Variants in PTPRD observed in about 807,000 individuals in gnomAD.
PTPRD encodes the protein protein tyrosine phosphatase receptor type D, also known as receptor-type tyrosine-protein phosphatase delta.
A neutral mutation model predicts 214.5 loss-of-function variants in PTPRD; 34 were observed. That is an observed-to-expected ratio of 0.16 (90% CI 0.12 to 0.21). The LOEUF is 0.21. Ranked by LOEUF, PTPRD falls within the 10% of genes least tolerant of loss-of-function variation. The pLI is 1.00. For synonymous variants in PTPRD, 1,128 were observed against 845.7 expected, an observed-to-expected ratio of 1.33 and a Z score of -5.79; for missense variants, 2,545 against 2,398.7, an observed-to-expected ratio of 1.06 and a Z score of -1.27.
At position 9,220,005 on chromosome 9, in the gene PTPRD, C is replaced by G. The variant is rs76504042; in HGVS notation, c.-202-36642G>C. ...ATATACAAACTCATATTGAAATAAA[C>G]GGTATCATAAAATACTCTTGAAAAG... On this transcript the variant is annotated intron_variant, in intron 9 of 45. Coordinates refer to ENST00000381196, the MANE Select transcript of PTPRD (RefSeq NM_002839.4). Among the ~76,000 whole-genome samples the G allele has an allele frequency of 5.3e-5, 8 of 152,138 alleles. 1 individual carries two copies. Among genetic ancestry groups the G allele is most frequent in the African/African-American group, 1.9e-4 (8 of 41,508 alleles).
chr9:9,470,069 G>A (rs2094486644), intron 8 of PTPRD, among the ~76,000 whole-genome samples: 1 of 152,282 alleles, frequency 6.6e-6, no homozygotes, highest in African/African-American at 2.4e-5. Flanking sequence ...TATCTCAAGT[G>A]CATACCTTTG....
intron 43 of PTPRD, among the ~76,000 whole-genome samples, chr9:8,336,772 T>G (rs974938570): frequency 1.3e-5 from 2 of 151,776 alleles, no homozygotes; most frequent in African/African-American, 4.8e-5. Context: ...AACAACAACC[T>G]CATCAAAAAG....
At chr9:10,277,700 A>G (rs754255885) in intron 3 of PTPRD, among the ~76,000 whole-genome samples, 1 of 152,220 alleles carries the variant, frequency 6.6e-6, no homozygotes, top group Non-Finnish European at 1.5e-5. Flanking sequence ...TTCAATTAAT[A>G]TATGCTCTTT....
chr9:9,536,418 T>C (rs112120291), intron 8 of PTPRD, among the ~76,000 whole-genome samples: 295 of 152,162 alleles, frequency 1.9e-3, no homozygotes, highest in African/African-American at 7.0e-3. Flanking sequence ...GGACAGGAAT[T>C]AATTATTAAT....
At chr9:8,947,885 G>A (rs1489656322) in intron 11 of PTPRD, among the ~76,000 whole-genome samples, 3 of 151,900 alleles carry the variant, frequency 2.0e-5, no homozygotes, top group Admixed American at 2.0e-4. Context: ...TCCTTTTATT[G>A]GCTCATCTAA....
intron 2 of PTPRD, among the ~76,000 whole-genome samples, chr9:10,467,837 T>G (rs1490007284): frequency 6.6e-6 from 1 of 151,690 alleles, no homozygotes; most frequent in Non-Finnish European, 1.5e-5. Context: ...ATCATTCAAG[T>G]AAAAAACATA....
At chr9:9,840,010 T>C (rs916093478) in intron 5 of PTPRD, among the ~76,000 whole-genome samples, 1 of 152,008 alleles carries the variant, frequency 6.6e-6, no homozygotes, top group Admixed American at 6.6e-5. Flanking sequence ...GTTAGAGTGA[T>C]TCAATTTTAT....
At chr9:8,994,736 G>C (rs2099390127) in intron 11 of PTPRD, among the ~76,000 whole-genome samples, 1 of 151,932 alleles carries the variant, frequency 6.6e-6, no homozygotes, top group Non-Finnish European at 1.5e-5. Flanking sequence ...ATAAAGAAGA[G>C]TGAAGAATTT....
intron 4 of PTPRD, among the ~76,000 whole-genome samples, chr9:10,014,152 C>G (rs1393806999): frequency 6.6e-6 from 1 of 151,856 alleles, no homozygotes; most frequent in Non-Finnish European, 1.5e-5. Context: ...CATTTCAGTC[C>G]TGAATATAAT....
At chr9:8,349,858 C>T (rs972370506) in intron 39 of PTPRD, among the ~76,000 whole-genome samples, 33 of 151,692 alleles carry the variant, frequency 2.2e-4, no homozygotes, top group African/African-American at 7.8e-4. Flanking sequence ...AACTATTCCA[C>T]TAATGAGAAT....
At chr9:9,654,161 C>T (rs10977914) in intron 7 of PTPRD, among the ~76,000 whole-genome samples, 3 of 151,776 alleles carry the variant, frequency 2.0e-5, no homozygotes, top group African/African-American at 7.3e-5. Context: ...GTTTCTTTGC[C>T]GTATAATGTA....
chr9:9,188,458 T>A (rs1293008158), intron 9 of PTPRD, among the ~76,000 whole-genome samples: 1 of 152,124 alleles, frequency 6.6e-6, no homozygotes, highest in Non-Finnish European at 1.5e-5. Flanking sequence ...AAAGTGGTTG[T>A]AGCAATTATA....
At chr9:8,967,883 C>T (rs1296252252) in intron 11 of PTPRD, among the ~76,000 whole-genome samples, 1 of 152,022 alleles carries the variant, frequency 6.6e-6, no homozygotes, top group Non-Finnish European at 1.5e-5. Flanking sequence ...AGGTATATCT[C>T]CTAAAGCTAT....
At chr9:10,227,223 A>C (rs2099591805) in intron 3 of PTPRD, among the ~76,000 whole-genome samples, 1 of 152,000 alleles carries the variant, frequency 6.6e-6, no homozygotes, top group South Asian at 2.1e-4. Flanking sequence ...GTCTAGTGTG[A>C]GAGGATGTGA....
chr9:9,742,162 G>A (rs758456332), intron 6 of PTPRD, among the ~76,000 whole-genome samples: 23 of 152,132 alleles, frequency 1.5e-4, no homozygotes, highest in Non-Finnish European at 2.1e-4. Flanking sequence ...CAGTGATGAT[G>A]AGCTTTTTCC....
chr9:8,841,757 A>T (rs2097562602), intron 11 of PTPRD, among the ~76,000 whole-genome samples: 1 of 152,080 alleles, frequency 6.6e-6, no homozygotes, highest in African/African-American at 2.4e-5. Flanking sequence ...CACTCCTGTA[A>T]TCCCAGCACT....
At chr9:9,674,744 G>C (rs2096897237) in intron 7 of PTPRD, among the ~76,000 whole-genome samples, 1 of 151,650 alleles carries the variant, frequency 6.6e-6, no homozygotes, top group Non-Finnish European at 1.5e-5. Context: ...TAAAATATTT[G>C]ATTTACTGGG....
At chr9:10,519,031 T>C (rs1003816936) in intron 2 of PTPRD, among the ~76,000 whole-genome samples, 11 of 151,906 alleles carry the variant, frequency 7.2e-5, no homozygotes, top group African/African-American at 2.4e-4. Flanking sequence ...CAGCTAACTC[T>C]TACCTTTTGC....
chr9:8,603,556 A>AT, intron 14 of PTPRD, among the ~76,000 whole-genome samples: 1 of 152,286 alleles, frequency 6.6e-6, no homozygotes, highest in South Asian at 2.1e-4. Context: ...CCCAAGCACC[A>AT]TTTTTTAAGT....
Sources: gnomAD v4.1 joint callset for allele counts (sites outside exome capture counted in the v4.1 genomes callset) on GRCh38, gnomAD v4.1.1 for gene constraint, MANE v1.5 for transcripts, NCBI Gene and HGNC (gene_info 2026-07-23, HGNC 2026-07-21) for gene names.